Variants in ZFPM2 observed in about 807,000 individuals in gnomAD.
The protein encoded by ZFPM2 is zinc finger protein, FOG family member 2.
ZFPM2 carries 20 observed loss-of-function variants against 98.6 expected under a neutral mutation model. That is an observed-to-expected ratio of 0.20 (90% CI 0.14 to 0.29). ZFPM2 has a LOEUF of 0.29. Ranked by LOEUF, ZFPM2 falls within the 10% of genes least tolerant of loss-of-function variation. ZFPM2 has a pLI of 1.00. For synonymous variants in ZFPM2, 518 were observed against 502.7 expected (o/e 1.03, Z -0.41); for missense variants, 1,310 against 1,388.6 (o/e 0.94, Z 0.90).
intron 2 of ZFPM2, among the ~76,000 whole-genome samples, chr8:105,419,785 T>C (rs1053048604): frequency 6.6e-6 from 1 of 151,978 alleles, no homozygotes; most frequent in African/African-American, 2.4e-5. Context: ...GTGGGGATAT[T>C]GTCAAATAAA....
chr8:105,586,358 T>C (rs1356353232), intron 4 of ZFPM2, among the ~76,000 whole-genome samples: 1 of 146,588 alleles, frequency 6.8e-6, no homozygotes, highest in Non-Finnish European at 1.5e-5. Flanking sequence ...TTCTTTTTTA[T>C]CGCTTTCATA....
At chr8:105,502,367 A>C (rs138528342) in intron 3 of ZFPM2, among the ~76,000 whole-genome samples, 2 of 152,212 alleles carry the variant, frequency 1.3e-5, no homozygotes, top group African/African-American at 2.4e-5. Context: ...GAAGATAAGC[A>C]TGCTACAGAT....
intron 1 of ZFPM2, among the ~76,000 whole-genome samples, chr8:105,339,208 G>A (rs973889088): frequency 1.2e-4 from 18 of 151,796 alleles, no homozygotes; most frequent in African/African-American, 4.3e-4. Flanking sequence ...TACCGACACC[G>A]AACAATAGAA....
At chr8:105,596,667 C>G (rs78721988) in intron 4 of ZFPM2, among the ~76,000 whole-genome samples, 10,786 of 149,180 alleles carry the variant, frequency 0.072, 372 homozygotes, top group Admixed American at 0.099. Context: ...AAGAATTTAA[C>G]CAATTTCTAG....
chr8:105,576,426 T>A (rs1009000665), intron 4 of ZFPM2, among the ~76,000 whole-genome samples: 2 of 152,128 alleles, frequency 1.3e-5, no homozygotes, highest in African/African-American at 4.8e-5. Context: ...CTAGAAAAAC[T>A]TAGCTGCTTG....
intron 5 of ZFPM2, among the ~76,000 whole-genome samples, chr8:105,707,563 G>A (rs1811292921): frequency 1.3e-5 from 2 of 152,128 alleles, no homozygotes; most frequent in Non-Finnish European, 2.9e-5. Flanking sequence ...GGGTAGGTAA[G>A]ACCAATCCAA....
At chr8:105,647,686 G>A (rs867702466) in intron 5 of ZFPM2, among the ~76,000 whole-genome samples, 11 of 152,092 alleles carry the variant, frequency 7.2e-5, no homozygotes, top group Admixed American at 2.0e-4. Flanking sequence ...CTTCATCCAC[G>A]TCCCCACAAA....
intron 4 of ZFPM2, among the ~76,000 whole-genome samples, chr8:105,620,391 C>T (rs1816513750): frequency 6.6e-6 from 1 of 152,014 alleles, no homozygotes; most frequent in African/African-American, 2.4e-5. Context: ...TTGATTTTTT[C>T]TTGTAAATTT....
chr8:105,330,557 T>TATATATATATATATAC (rs1183172856), intron 1 of ZFPM2, among the ~76,000 whole-genome samples: 23 of 120,804 alleles, frequency 1.9e-4, no homozygotes, highest in Non-Finnish European at 3.5e-4. Flanking sequence ...TATATACATA[T>TATATATATATATATAC]ATATATATAT....
At chr8:105,760,189 C>A (rs1219549709) in intron 5 of ZFPM2, among the ~76,000 whole-genome samples, 1 of 151,290 alleles carries the variant, frequency 6.6e-6, no homozygotes, top group Admixed American at 6.6e-5. Context: ...AGGCCCTGGA[C>A]CAAAAAGAGC....
chr8:105,617,020 G>GGA (rs1816431048), intron 4 of ZFPM2, among the ~76,000 whole-genome samples: 1 of 28,120 alleles, frequency 3.6e-5, no homozygotes, highest in East Asian at 1.9e-3. Flanking sequence ...ACTCTGTCTC[G>GGA]AAAAAAAAAA....
chr8:105,787,746 G>C (rs1212854247), intron 5 of ZFPM2: 1 of 151,714 alleles, frequency 6.6e-6, no homozygotes, highest in Non-Finnish European at 1.5e-5. Flanking sequence ...AAAAAAAAAA[G>C]AGCTTTATAA....
chr8:105,652,956 A>G (rs1406968124), intron 5 of ZFPM2, among the ~76,000 whole-genome samples: 2 of 151,024 alleles, frequency 1.3e-5, no homozygotes, highest in Admixed American at 6.6e-5. Flanking sequence ...AGATTTCTAG[A>G]TTAAATTATG....
chr8:105,527,136 GTC>G (rs1814191160), intron 3 of ZFPM2, among the ~76,000 whole-genome samples: 1 of 152,160 alleles, frequency 6.6e-6, no homozygotes, highest in African/African-American at 2.4e-5. Flanking sequence ...CTCTCCCTGA[GTC>G]TGGTTCAGAC....
chr8:105,740,256 G>T (rs1189066438), intron 5 of ZFPM2, among the ~76,000 whole-genome samples: 1 of 151,698 alleles, frequency 6.6e-6, no homozygotes, highest in East Asian at 1.9e-4. Flanking sequence ...TCCTACAGAG[G>T]TTAAAACATA....
chr8:105,734,301 A>G (rs757579288), intron 5 of ZFPM2, among the ~76,000 whole-genome samples: 1 of 151,980 alleles, frequency 6.6e-6, no homozygotes, highest in Non-Finnish European at 1.5e-5. Flanking sequence ...AAAATGAAGT[A>G]GTATTTATAA....
chr8:105,797,396 C>T (rs1813864204), intron 6 of ZFPM2, among the ~76,000 whole-genome samples: 1 of 151,980 alleles, frequency 6.6e-6, no homozygotes, highest in African/African-American at 2.4e-5. Flanking sequence ...CCAGTCAAAA[C>T]TCTTTCTTCC....
At chr8:105,795,034 C>T (rs1439877438) in intron 6 of ZFPM2, among the ~76,000 whole-genome samples, 67 of 152,296 alleles carry the variant, frequency 4.4e-4, no homozygotes, top group Non-Finnish European at 8.1e-4. Context: ...TTGCGCTTCC[C>T]GAGTGAGGCA....
At chr8:105,325,554 C>G (rs1019143084) in intron 1 of ZFPM2, among the ~76,000 whole-genome samples, 1 of 151,778 alleles carries the variant, frequency 6.6e-6, no homozygotes, top group Non-Finnish European at 1.5e-5. Flanking sequence ...AGTGGACTCT[C>G]TGATCGTCAT....
Sources: gnomAD v4.1 joint callset for allele counts (sites outside exome capture counted in the v4.1 genomes callset) on GRCh38, gnomAD v4.1.1 for gene constraint, MANE v1.5 for transcripts, NCBI Gene and HGNC (gene_info 2026-07-23, HGNC 2026-07-21) for gene names.